Variants in SCN10A observed in about 807,000 individuals in gnomAD.
SCN10A encodes the protein sodium voltage-gated channel alpha subunit 10.
A neutral mutation model predicts 170.7 loss-of-function variants in SCN10A; 162 were observed. The ratio of observed to expected loss-of-function variants is 0.95; its 90% confidence interval spans 0.84 to 1.08. SCN10A has a LOEUF of 1.08. Ranked by LOEUF, SCN10A falls within the 50% of genes least tolerant of loss-of-function variation. The pLI is 0.00. For missense variants in SCN10A, 2,527 were observed against 2,436.9 expected (o/e 1.04, Z -0.78); for synonymous variants, 985 against 904.6 (o/e 1.09, Z -1.59).
chr3:38,745,885 C>A (rs986264633), intron 13 of SCN10A, among the ~76,000 whole-genome samples: 1 of 151,522 alleles, frequency 6.6e-6, no homozygotes, highest in Admixed American at 6.6e-5. Context: ...CTGCTGGGTC[C>A]ATCTCTTCTG....
Position 38,792,182 on chromosome 3 carries a change from A to G in SCN10A, c.271-14T>C. ...CACCATAAATGTCTGAAACAAAACAAAACAGAAAGTGGACCTCCAATGAGA... is the reference window on the plus strand; with the variant it reads ...CACCATAAATGTCTGAAACAAAACAGAACAGAAAGTGGACCTCCAATGAGA... On this transcript the variant is annotated splice_polypyrimidine_tract_variant and intron_variant, in intron 2 of 27. Transcript: ENST00000449082. 1 of 1,611,900 alleles carries G rather than the reference A, an allele frequency of 6.2e-7. No homozygotes were observed. Among genetic ancestry groups the G allele is most frequent in the Non-Finnish European group, 8.5e-7 (1 of 1,179,292 alleles).
intron 4 of SCN10A, among the ~76,000 whole-genome samples, chr3:38,772,325 A>C (rs1322530228): frequency 1.2e-4 from 1 of 8,260 alleles, no homozygotes; most frequent in South Asian, 0.033. Context: ...AACAACTGAA[A>C]AAAAAAAAAA....
chr3:38,746,403 C>T (rs1368596961), intron 13 of SCN10A, among the ~76,000 whole-genome samples: 1 of 151,902 alleles, frequency 6.6e-6, no homozygotes, highest in Non-Finnish European at 1.5e-5. Flanking sequence ...ACTGTCACTA[C>T]CCCAGAGTTC....
chr3:38,779,849 T>A (rs868442245), intron 4 of SCN10A, among the ~76,000 whole-genome samples: 24 of 151,990 alleles, frequency 1.6e-4, no homozygotes, highest in Admixed American at 8.5e-4. Context: ...TTTTTTTAAC[T>A]CTATTTCATT....
At chr3:38,810,708 A>G (rs1312340003) in intron 1 of SCN10A, among the ~76,000 whole-genome samples, 1 of 152,230 alleles carries the variant, frequency 6.6e-6, no homozygotes, top group Admixed American at 6.5e-5. Context: ...CATGAAAATC[A>G]TTCTGTCTAT....
chr3:38,746,100 T>TATGTAG (rs71085336), intron 13 of SCN10A, among the ~76,000 whole-genome samples: 1 of 99,820 alleles, frequency 1.0e-5, no homozygotes, highest in African/African-American at 3.6e-5. Flanking sequence ...TATATATATA[T>TATGTAG]GCCATCTTTG....
rs999958499 is a variant in SCN10A at position 38,698,459 on chromosome 3, G to C, written c.4761C>G (p.Ile1587Met). 6.2e-7 allele frequency: 1 copy of C among 1,614,192 alleles called. No individual in the cohort carries two copies. Among genetic ancestry groups the C allele is most frequent in the Non-Finnish European group, 8.5e-7 (1 of 1,180,034 alleles). The change falls in exon 28 of 28, where the codon ATC (isoleucine) becomes ATG (methionine). Residue 1587 changes from isoleucine (I) to methionine (M), a missense_variant. By Grantham distance (10) the Ile-to-Met change is conservative. Transcript: ENST00000449082. ...GTGTGCGGATCCCCTTGGCCGCTCG[G>C]ATCAGTCTGAGGATGCGGCCAATTC... ...LARIGRILRL[I>M]RAAKGIRTLL...
chr3:38,738,129 C>T (rs116160784), intron 15 of SCN10A, among the ~76,000 whole-genome samples: 4,130 of 151,872 alleles, frequency 0.027, 183 homozygotes, highest in African/African-American at 0.094. Flanking sequence ...TTTGTAGAGA[C>T]GGGGTTTCAC....
intron 4 of SCN10A, among the ~76,000 whole-genome samples, chr3:38,773,222 C>T (rs1246473767): frequency 3.9e-5 from 6 of 152,086 alleles, no homozygotes; most frequent in Non-Finnish European, 8.8e-5. Context: ...GTCCTAACTA[C>T]TTGGGAGGTT....
Position 38,707,353 on chromosome 3 carries a change from C to T in SCN10A, c.4312G>A (p.Glu1438Lys), listed in dbSNP as rs370610736. The T allele has an allele frequency of 4.3e-6, 7 of 1,613,996 alleles. No individual in the cohort carries two copies. Among genetic ancestry groups the T allele is most frequent in the Non-Finnish European group, 5.9e-6 (7 of 1,180,014 alleles). ...ATGGCATTGTAGTATTTCTTCTGCT[C>T]CTCTGTCATGAAGATGTCCTGGCCC... is the stretch of plus-strand genomic sequence containing the variant. ...LGGQDIFMTEEQKKYYNAMKK... is the reference protein window; with the variant it reads ...LGGQDIFMTEKQKKYYNAMKK... Residue 1438 changes from glutamate (E) to lysine (K), a missense_variant, in exon 26 of 28, where the codon GAG becomes AAG. By Grantham distance (56) the Glu-to-Lys change is moderately conservative. Transcript: ENST00000449082.
At chr3:38,787,344 G>A (rs1024376156) in intron 4 of SCN10A, among the ~76,000 whole-genome samples, 1 of 151,970 alleles carries the variant, frequency 6.6e-6, no homozygotes, top group African/African-American at 2.4e-5. Flanking sequence ...ATACACAATT[G>A]ATTTATGTAT....
At chr3:38,720,461 AT>A (rs542028713) in intron 20 of SCN10A, among the ~76,000 whole-genome samples, 8 of 151,730 alleles carry the variant, frequency 5.3e-5, no homozygotes, top group African/African-American at 1.5e-4. Flanking sequence ...GAAATGGATG[AT>A]TTTTTTTTCT....
intron 4 of SCN10A, among the ~76,000 whole-genome samples, chr3:38,787,802 C>T (rs1182830332): frequency 1.3e-5 from 2 of 152,024 alleles, no homozygotes; most frequent in Non-Finnish European, 2.9e-5. Context: ...GGTATTTCTC[C>T]TAATGCTATC....
At position 38,718,749 on chromosome 3, in the gene SCN10A, A is replaced by G. The variant is rs368972137; in HGVS notation, c.3585T>C (p.Phe1195=). The G allele has an allele frequency of 4.3e-6, 7 of 1,614,230 alleles. No homozygotes were observed. In the African/African-American group the frequency reaches 9.3e-5, roughly 22 times the overall value. The part of the protein sequence containing the change: ...LLEYTDRVFT[F]IFVFEMLLKW... ...TAAGCAGCATCTCGAACACAAAGAT[A>G]AAGGTGAAGACCCTGTCAGTGTACT... Residue 1195 remains phenylalanine, a synonymous_variant, in exon 21 of 28, where the codon TTT becomes TTC. Transcript: ENST00000449082.
chr3:38,763,057 T>C (rs1333059855), intron 6 of SCN10A, among the ~76,000 whole-genome samples: 1 of 152,192 alleles, frequency 6.6e-6, no homozygotes, highest in African/African-American at 2.4e-5. Context: ...TGCCTAATTC[T>C]TTTTTCCTCT....
intron 13 of SCN10A, among the ~76,000 whole-genome samples, chr3:38,746,069 A>ATATATGTGTG (rs1559439494): frequency 1.2e-5 from 1 of 85,408 alleles, no homozygotes; most frequent in African/African-American, 4.4e-5. Context: ...ATGTGTATAT[A>ATATATGTGTG]TATATATATA....
In SCN10A at chr3:38,728,620, C is replaced by G; in HGVS notation, c.2562G>C (p.Met854Ile). Reference protein sequence around the residue: ...RILCGEWIENMWACMEVGQKS... With the variant: ...RILCGEWIENIWACMEVGQKS... ...TTTGGCCAACTTCCATGCAGGCCCACATGTTCTCAATCCACTCTCCACAGA... is the reference window on the plus strand; with the variant it reads ...TTTGGCCAACTTCCATGCAGGCCCAGATGTTCTCAATCCACTCTCCACAGA... The change falls in exon 16 of 28, where the codon ATG becomes ATC. Residue 854 changes from methionine to isoleucine, a missense_variant. Physicochemically the swap from Met to Ile is conservative, Grantham distance 10 (BLOSUM62 1). Coordinates refer to ENST00000449082, the MANE Select transcript of SCN10A (RefSeq NM_006514.4). 1 of 1,613,618 alleles carries G rather than the reference C, an allele frequency of 6.2e-7. No homozygotes were observed. Among genetic ancestry groups the G allele is most frequent in the Non-Finnish European group, 8.5e-7 (1 of 1,179,570 alleles).
chr3:38,806,024 G>C (rs1299095003), intron 1 of SCN10A, among the ~76,000 whole-genome samples: 1 of 152,172 alleles, frequency 6.6e-6, no homozygotes, highest in African/African-American at 2.4e-5. Context: ...AACAAGAGAG[G>C]AAGGAATGGG....
chr3:38,756,782 A>G lies in SCN10A; in HGVS notation c.1182T>C (p.Ala394=). Residue 394 remains alanine, a synonymous_variant, in exon 10 of 28, where the codon GCT becomes GCC. Transcript: ENST00000449082. ...GCTCCTCATACGCCATGGTGACTAC[A>G]GCCAAGATCAAGTTGACCAGGTAGA... The part of the protein sequence containing the change: ...GSFYLVNLIL[A]VVTMAYEEQN... The G allele has an allele frequency of 2.5e-6, 4 of 1,614,204 alleles. No homozygotes were observed. Among genetic ancestry groups the G allele is most frequent in the Non-Finnish European group, 3.4e-6 (4 of 1,180,032 alleles).
Sources: gnomAD v4.1 joint callset for allele counts (sites outside exome capture counted in the v4.1 genomes callset) on GRCh38, gnomAD v4.1.1 for gene constraint, MANE v1.5 for transcripts, NCBI Gene and HGNC (gene_info 2026-07-23, HGNC 2026-07-21) for gene names.